NOS2: variants seen among roughly 807,000 people sequenced by gnomAD.
NOS2 encodes the protein nitric oxide synthase 2.
NOS2 carries 96 observed loss-of-function variants against 136.0 expected under a neutral mutation model. The observed-to-expected ratio is 0.71, with a 90% CI of 0.60 to 0.84. The LOEUF is 0.84. NOS2 is among the 40% of genes least tolerant of loss of function. The pLI, the probability that NOS2 is intolerant of heterozygous loss-of-function variation, is 0.00. For synonymous variants in NOS2, 539 were observed against 587.5 expected (o/e 0.92, Z 1.20); for missense variants, 1,237 against 1,496.9 (o/e 0.83, Z 2.87).
chr17:27,778,257 G>A (rs1311524926), intron 11 of NOS2, among the ~76,000 whole-genome samples: 1 of 152,016 alleles, frequency 6.6e-6, no homozygotes, highest in East Asian at 1.9e-4. Flanking sequence ...TGAAGCAGTT[G>A]GGGGATGAGG....
intron 11 of NOS2, among the ~76,000 whole-genome samples, chr17:27,775,925 G>C (rs1251361956): frequency 6.6e-6 from 1 of 152,250 alleles, no homozygotes; most frequent in African/African-American, 2.4e-5. Context: ...CGGCGTTATA[G>C]AAGGGAAAGA....
chr17:27,765,544 C>T lies in NOS2; in HGVS notation c.2419G>A (p.Asp807Asn). ...CTAGCCCGGGGCTCACCACTCTCAT[C>T]CAGGGCCTCCAGGCGCACTGTCTGG... The part of the protein sequence containing the change: ...PHQTVRLEAL[D>N]ESGSYWVSDK... The change falls in exon 20 of 27, where the codon GAT becomes AAT. Residue 807 changes from aspartate (D) to asparagine (N), a missense_variant. Coordinates refer to ENST00000313735, the MANE Select transcript of NOS2 (RefSeq NM_000625.4). The T allele has an allele frequency of 9.4e-6, 15 of 1,602,016 alleles. No individual in the cohort carries two copies. The highest frequency in any genetic ancestry group is 1.3e-5 in the Non-Finnish European group (15 of 1,175,544).
At chr17:27,783,221 C>T in intron 5 of NOS2, 115 bp from the exon 6 acceptor site, 2 of 1,137,450 alleles carry the variant, frequency 1.8e-6, no homozygotes, top group Non-Finnish European at 2.6e-6. Flanking sequence ...AGATGCCTCT[C>T]ACCAGAGACA....
At chr17:27,775,695 C>T (rs1173913933) in intron 11 of NOS2, among the ~76,000 whole-genome samples, 2 of 151,758 alleles carry the variant, frequency 1.3e-5, no homozygotes, top group Non-Finnish European at 2.9e-5. Context: ...GTGGTAAGAG[C>T]ATTGCTTGAG....
intron 11 of NOS2, among the ~76,000 whole-genome samples, chr17:27,775,922 A>G (rs1444920732): frequency 1.3e-5 from 2 of 152,268 alleles, no homozygotes; most frequent in Non-Finnish European, 2.9e-5. Flanking sequence ...CATCGGCGTT[A>G]TAGAAGGGAA....
rs200779574 is a variant in NOS2 at position 27,766,597 on chromosome 17, G to A, written c.2168-9C>T. The A allele has an allele frequency of 9.5e-5, 153 of 1,612,584 alleles. No individual in the cohort carries two copies. Among genetic ancestry groups the A allele is most frequent in the Non-Finnish European group, 1.3e-4 (149 of 1,178,714 alleles). ...ATGCATGCTGCTGAGGGCTGTGGAG[G>A]ACACAGAGACGGTGAAATGGCAAAG... is the stretch of plus-strand genomic sequence containing the variant. On this transcript the variant is annotated splice_polypyrimidine_tract_variant and intron_variant, in intron 18 of 26. Transcript: ENST00000313735.
chr17:27,757,370 G>A lies in NOS2; in HGVS notation c.3355-17C>T. 6.2e-7 allele frequency: 1 copy of A among 1,611,494 alleles called. No homozygotes were observed. Among genetic ancestry groups the A allele is most frequent in the Non-Finnish European group, 8.5e-7 (1 of 1,177,980 alleles). ...CTTCTGGCTCTTTTAGGTAAAAACA[G>A]AGAGCAACGTGTCAAGTCCAGGCTG... On this transcript the variant is annotated splice_polypyrimidine_tract_variant and intron_variant, in intron 26 of 26. Coordinates refer to ENST00000313735, the MANE Select transcript of NOS2 (RefSeq NM_000625.4).
rs768711952 is a variant in NOS2 at position 27,774,330 on chromosome 17, A to G, written c.1403T>C (p.Met468Thr). The G allele has an allele frequency of 6.9e-6, 11 of 1,584,978 alleles. No homozygotes were observed. Among genetic ancestry groups the G allele is most frequent in the Admixed American group, 5.4e-5 (3 of 55,388 alleles). The part of the protein sequence containing the change: ...PADWIWLVPP[M>T]SGSITPVFHQ... ...AAACACGGGGGTGATGCTCCCAGAC[A>G]TGGGAGGGACCAGCCAAATCCAGTC... The change falls in exon 12 of 27, where the codon ATG (methionine) becomes ACG (threonine). Residue 468 changes from methionine (M) to threonine (T), a missense_variant. Met to Thr is a moderately conservative substitution (Grantham distance 81). This residue lies in a region of NOS2 where 782 missense variants were observed against 909.9 expected (regional missense o/e 0.86). Transcript: ENST00000313735.
In NOS2 at chr17:27,766,538, G is replaced by A. The variant is rs773949014; in HGVS notation, c.2218C>T (p.Arg740Trp). The change falls in exon 19 of 27, where the codon CGG (arginine) becomes TGG (tryptophan). Residue 740 changes from arginine (R) to tryptophan (W), a missense_variant. Coordinates refer to ENST00000313735, the MANE Select transcript of NOS2 (RefSeq NM_000625.4). ...KNVFTMRLKS[R>W]QNLQSPTSSR... ...GATGTCGGACTTTGTAGATTCTGCCGAGATTTGAGCCTCATGGTGAACACG... is the reference window on the plus strand; with the variant it reads ...GATGTCGGACTTTGTAGATTCTGCCAAGATTTGAGCCTCATGGTGAACACG... The A allele has an allele frequency of 8.1e-6, 13 of 1,614,012 alleles. No individual in the cohort carries two copies. Among genetic ancestry groups the A allele is most frequent in the East Asian group, 6.7e-5 (3 of 44,892 alleles).
rs3730232 is a variant in NOS2 at position 27,765,417 on chromosome 17, G to A, written c.2428+118C>T. On this transcript the variant is annotated intron_variant, in intron 20 of 26. Coordinates refer to ENST00000313735, the MANE Select transcript of NOS2 (RefSeq NM_000625.4). ...GCTTTCACATAAGCTTTGGTGGCCC[G>A]CCCTCTCAGCAGGAAGGACAGGGAT... 1.2e-3 allele frequency: 1,055 copies of A among 916,972 alleles called. 3 individuals are homozygous for A. The African/African-American group carries it at 0.016, about 14-fold the overall frequency. The allele number at this position is 916,972 out of a possible 1,614,324, so 56.8% of individuals were successfully genotyped here.
At chr17:27,777,136 G>A (rs28999389) in intron 11 of NOS2, among the ~76,000 whole-genome samples, 1 of 152,222 alleles carries the variant, frequency 6.6e-6, no homozygotes, top group African/African-American at 2.4e-5. Context: ...GTCAAGCACA[G>A]GCCTGATCTG....
intron 2 of NOS2, among the ~76,000 whole-genome samples, chr17:27,797,817 G>A (rs1909402044): frequency 6.6e-6 from 1 of 152,214 alleles, no homozygotes; most frequent in Non-Finnish European, 1.5e-5. Context: ...ATGGGCCCGG[G>A]GAGGAGGGAC....
At chr17:27,762,265 G>T (rs1908156808) in intron 22 of NOS2, among the ~76,000 whole-genome samples, 1 of 152,180 alleles carries the variant, frequency 6.6e-6, no homozygotes, top group African/African-American at 2.4e-5. Flanking sequence ...CTGAGGGCAG[G>T]GCTGATCTCT....
At position 27,757,325 on chromosome 17, in the gene NOS2, A is replaced by G; in HGVS notation, c.3383T>C (p.Phe1128Ser). The change falls in exon 27 of 27, where the codon TTT becomes TCT. Residue 1128 changes from phenylalanine (F) to serine (S), a missense_variant. Transcript: ENST00000313735. ...CGCCTCGTAAGGAAATACAGCACCA[A>G]AGATATCTTCGTGATAGCGCTTCTG... Reference protein sequence around the residue: ...KSQKRYHEDIFGAVFPYEAKK... With the variant: ...KSQKRYHEDISGAVFPYEAKK... 1.9e-6 allele frequency: 3 copies of G among 1,614,134 alleles called. No homozygotes were observed. Among genetic ancestry groups the G allele is most frequent in the Non-Finnish European group, 2.5e-6 (3 of 1,180,006 alleles).
intron 24 of NOS2, 108 bp downstream of exon 24, chr17:27,760,514 AG>A: frequency 7.0e-7 from 1 of 1,435,300 alleles, no homozygotes; most frequent in Non-Finnish European, 9.5e-7. Flanking sequence ...CAAACTTGGG[AG>A]GCCTTCCCTC....
chr17:27,766,562 C>A lies in NOS2; in HGVS notation c.2194G>T (p.Val732Leu). 6.2e-7 allele frequency: 1 copy of A among 1,614,092 alleles called. No homozygotes were observed. Among genetic ancestry groups the A allele is most frequent in the Non-Finnish European group, 8.5e-7 (1 of 1,179,990 alleles). Residue 732 changes from valine to leucine, a missense_variant, in exon 19 of 27, where the codon GTG becomes TTG. Physicochemically the swap from Val to Leu is conservative, Grantham distance 32. Transcript: ENST00000313735. ...KALSSMHAKN[V>L]FTMRLKSRQN... ...CGAGATTTGAGCCTCATGGTGAACA[C>A]GTTCTTGGCATGCATGCTGCTGAGG...
rs1909494173 is a variant in NOS2 at position 27,800,480 on chromosome 17, C to T, written c.-215G>A. 1 of 152,232 alleles carries T rather than the reference C, an allele frequency of 6.6e-6. No individual in the cohort carries two copies. The highest frequency in any genetic ancestry group is 2.4e-5 in the African/African-American group (1 of 41,428). 9.4% of individuals were successfully genotyped at this position (152,232 alleles called of 1,614,324 possible). A position where few individuals can be genotyped will look rare whatever the true frequency, so the allele number is the denominator to read the frequency against. ...GAGAGATTTTAAAGCAGGAATGAGG[C>T]TGAGTTCTCTGCGGCCGGAGCCTCA... On this transcript the variant is annotated 5_prime_UTR_variant, in exon 1 of 27. Coordinates refer to ENST00000313735, the MANE Select transcript of NOS2 (RefSeq NM_000625.4).
In NOS2 at chr17:27,772,375, T is replaced by C; in HGVS notation, c.1637A>G (p.Glu546Gly). ...RVRVTILFAT[E>G]TGKSEALAWD... ...GGCCAGCGCCTCTGATTTTCCTGTC[T>C]CTGTCGCAAAGAGGATGGTGACTCT... Residue 546 changes from glutamate to glycine, a missense_variant, in exon 14 of 27, where the codon GAG becomes GGG. Coordinates refer to ENST00000313735, the MANE Select transcript of NOS2 (RefSeq NM_000625.4). 7.4e-6 allele frequency: 12 copies of C among 1,614,126 alleles called. No homozygotes were observed. The highest frequency in any genetic ancestry group is 9.3e-6 in the Non-Finnish European group (11 of 1,180,036).
chr17:27,790,103 A>G (rs1333142556), intron 2 of NOS2, among the ~76,000 whole-genome samples: 1 of 152,174 alleles, frequency 6.6e-6, no homozygotes, highest in Non-Finnish European at 1.5e-5. Flanking sequence ...TGATTGATTT[A>G]TATTTTTTGA....
Sources: gnomAD v4.1 joint callset for allele counts (sites outside exome capture counted in the v4.1 genomes callset) on GRCh38, gnomAD v4.1.1 for gene constraint, gnomAD v4.1.1 regional missense constraint, MANE v1.5 for transcripts, NCBI Gene and HGNC (gene_info 2026-07-23, HGNC 2026-07-21) for gene names.